HDAC9: variants seen among roughly 807,000 people sequenced by gnomAD.
HDAC9 encodes the protein MEF-2 interacting transcription repressor (MITR) protein.
In HDAC9, 41 loss-of-function variants were observed where a neutral mutation model predicts 139.4. The observed-to-expected ratio is 0.29, with a 90% CI of 0.23 to 0.38. HDAC9 has a LOEUF of 0.38. Ranked by LOEUF, HDAC9 falls within the 10% of genes least tolerant of loss-of-function variation. The pLI is 1.00. For synonymous variants in HDAC9, 517 were observed against 476.2 expected, an observed-to-expected ratio of 1.09 and a Z score of -1.12; for missense variants, 1,147 against 1,297.0, an observed-to-expected ratio of 0.88 and a Z score of 1.78.
chr7:18,545,190 G>A (rs970809629), intron 2 of HDAC9, among the ~76,000 whole-genome samples: 3 of 152,148 alleles, frequency 2.0e-5, no homozygotes, highest in South Asian at 2.1e-4. Context: ...ATTTTAAAGT[G>A]TGAATGGAAA....
At chr7:18,157,970 G>A (rs1401291277) in intron 1 of HDAC9, among the ~76,000 whole-genome samples, 1 of 152,130 alleles carries the variant, frequency 6.6e-6, no homozygotes, top group African/African-American at 2.4e-5. Flanking sequence ...ACTCTATGGA[G>A]GAACCATGGT....
chr7:18,599,773 C>A (rs919263013), intron 6 of HDAC9, among the ~76,000 whole-genome samples: 1 of 152,116 alleles, frequency 6.6e-6, no homozygotes, highest in African/African-American at 2.4e-5. Context: ...TTTGTGTGGA[C>A]ATGTTTTCAG....
chr7:18,800,280 T>G (rs952855039), intron 17 of HDAC9, among the ~76,000 whole-genome samples: 8 of 152,186 alleles, frequency 5.3e-5, no homozygotes, highest in Admixed American at 4.6e-4. Context: ...TTATAAGAGG[T>G]CTTGACTATC....
intron 1 of HDAC9, among the ~76,000 whole-genome samples, chr7:18,333,737 T>G (rs545092764): frequency 6.6e-6 from 1 of 151,488 alleles, no homozygotes; most frequent in South Asian, 2.1e-4. Flanking sequence ...AAGGTAAAAT[T>G]TAAACATAAT....
intron 16 of HDAC9, among the ~76,000 whole-genome samples, chr7:18,782,352 T>C (rs1244512109): frequency 1.3e-5 from 2 of 152,128 alleles, no homozygotes; most frequent in Non-Finnish European, 1.5e-5. Context: ...ATTTAGATTA[T>C]ACAAAGGAGA....
At chr7:18,472,256 A>C (rs1794783172) in intron 1 of HDAC9, among the ~76,000 whole-genome samples, 1 of 152,162 alleles carries the variant, frequency 6.6e-6, no homozygotes, top group Non-Finnish European at 1.5e-5. Flanking sequence ...CTAAGAAATG[A>C]CACAGATCAT....
intron 16 of HDAC9, among the ~76,000 whole-genome samples, chr7:18,786,840 C>CTTCCTTCCTTCA (rs1562941070): frequency 2.0e-4 from 8 of 39,056 alleles, no homozygotes; most frequent in Non-Finnish European, 3.7e-4. Flanking sequence ...TCCTTCATTC[C>CTTCCTTCCTTCA]TTCCTTCCTT....
At chr7:18,677,824 A>C (rs1251198324) in intron 12 of HDAC9, among the ~76,000 whole-genome samples, 2 of 151,910 alleles carry the variant, frequency 1.3e-5, no homozygotes, top group Admixed American at 1.3e-4. Flanking sequence ...TGAAGAGCAG[A>C]ATATTTAAGC....
At chr7:18,188,208 A>G (rs575108808) in intron 2 of HDAC9, among the ~76,000 whole-genome samples, 2 of 152,274 alleles carry the variant, frequency 1.3e-5, no homozygotes, top group South Asian at 4.1e-4. Context: ...ATCTACAACC[A>G]TCTGATCTTT....
At chr7:18,208,990 A>G (rs189933473) in intron 2 of HDAC9, among the ~76,000 whole-genome samples, 1 of 152,340 alleles carries the variant, frequency 6.6e-6, no homozygotes, top group African/African-American at 2.4e-5. Flanking sequence ...TCCACTGAAT[A>G]AACAAAAGTA....
chr7:18,784,251 CTCTTT>C (rs753326876), intron 16 of HDAC9, among the ~76,000 whole-genome samples: 1 of 151,884 alleles, frequency 6.6e-6, no homozygotes, highest in Non-Finnish European at 1.5e-5. Context: ...TCCTTTTCTT[CTCTTT>C]TCTTTTCTTT....
intron 24 of HDAC9, 44 bp from the exon 25 acceptor site, chr7:18,975,762 C>T (rs2129337617): frequency 6.3e-7 from 1 of 1,579,610 alleles, no homozygotes. Flanking sequence ...ATTATTACTG[C>T]TGTAATTACA....
At chr7:18,839,903 T>C (rs574923567) in intron 21 of HDAC9, among the ~76,000 whole-genome samples, 1 of 152,192 alleles carries the variant, frequency 6.6e-6, no homozygotes, top group African/African-American at 2.4e-5. Context: ...TGTCAGACCA[T>C]TTAAGTGGTT....
intron 22 of HDAC9, among the ~76,000 whole-genome samples, chr7:18,925,654 T>TC (rs398111125): frequency 6.6e-6 from 1 of 151,932 alleles, no homozygotes; most frequent in Non-Finnish European, 1.5e-5. Flanking sequence ...TCTTTTTTTT[T>TC]CCATACACCT....
intron 1 of HDAC9, among the ~76,000 whole-genome samples, chr7:18,152,813 G>A (rs1434369204): frequency 6.6e-6 from 1 of 152,196 alleles, no homozygotes; most frequent in Admixed American, 6.5e-5. Context: ...TATAAAGTTT[G>A]TGTAAGTTAG....
intron 1 of HDAC9, among the ~76,000 whole-genome samples, chr7:18,159,251 T>C (rs376561386): frequency 3.1e-4 from 47 of 152,354 alleles, no homozygotes; most frequent in African/African-American, 1.1e-3. Flanking sequence ...ACAAACAATT[T>C]GTATTATTTT....
At chr7:18,922,264 C>G (rs1803823977) in intron 22 of HDAC9, among the ~76,000 whole-genome samples, 1 of 151,892 alleles carries the variant, frequency 6.6e-6, no homozygotes, top group African/African-American at 2.4e-5. Context: ...TTATAAATTG[C>G]TTTTATAACA....
intron 2 of HDAC9, among the ~76,000 whole-genome samples, chr7:18,551,612 C>A (rs17139311): frequency 0.037 from 5,700 of 152,260 alleles, 163 homozygotes; most frequent in South Asian, 0.092. Flanking sequence ...TACCTCAGTG[C>A]AAATGTGTAT....
intron 2 of HDAC9, among the ~76,000 whole-genome samples, chr7:18,282,094 G>T (rs1238372214): frequency 6.6e-6 from 1 of 152,080 alleles, no homozygotes; most frequent in Non-Finnish European, 1.5e-5. Flanking sequence ...AATATTGAAA[G>T]AAACACACAC....
Sources: gnomAD v4.1 joint callset for allele counts (sites outside exome capture counted in the v4.1 genomes callset) on GRCh38, gnomAD v4.1.1 for gene constraint, MANE v1.5 for transcripts, NCBI Gene and HGNC (gene_info 2026-07-23, HGNC 2026-07-21) for gene names.